CPLX2: variants seen among roughly 807,000 people sequenced by gnomAD.
CPLX2 encodes the protein complexin-2.
A neutral mutation model predicts 16.3 loss-of-function variants in CPLX2; 5 were observed. That is an observed-to-expected ratio of 0.31 (90% confidence interval 0.16 to 0.64). The LOEUF is 0.64. Ranked by LOEUF, CPLX2 falls within the 30% of genes least tolerant of loss-of-function variation. CPLX2 has a pLI of 0.79. For missense variants in CPLX2, 144 were observed against 181.4 expected (o/e 0.79, Z 1.18); for synonymous variants, 89 against 73.2 (o/e 1.22, Z -1.10).
intron 1 of CPLX2, among the ~76,000 whole-genome samples, chr5:175,874,540 A>G (rs1011423631): frequency 6.6e-6 from 1 of 152,192 alleles, no homozygotes; most frequent in African/African-American, 2.4e-5. Flanking sequence ...GAATGAATGA[A>G]TAATGAGGAA....
rs887557264 is a variant in CPLX2, at chr5:175,880,186, C to T, written c.*141C>T. ...CCTCTTCCCTGGCCAGGGGCTTCTC[C>T]CCCTCAGCTCTCCCTCACACCTCCC... is the stretch of plus-strand genomic sequence containing the variant. On this transcript the variant is annotated 3_prime_UTR_variant, in exon 4 of 4. Coordinates refer to ENST00000393745, the MANE Select transcript of CPLX2 (RefSeq NM_001008220.2). 2.4e-6 allele frequency: 2 copies of T among 850,294 alleles called. No homozygotes were observed. Among genetic ancestry groups the T allele is most frequent in the Non-Finnish European group, 3.9e-6 (2 of 507,722 alleles). 52.7% of individuals were successfully genotyped at this position (850,294 alleles called of 1,614,324 possible).
intron 2 of CPLX2, among the ~76,000 whole-genome samples, chr5:175,837,126 A>G (rs542135626): frequency 4.7e-4 from 72 of 152,292 alleles, no homozygotes; most frequent in Non-Finnish European, 9.0e-4. Flanking sequence ...AGGTGGTCTC[A>G]CTGACCTGAG....
chr5:175,869,093 A>G (rs1384255909), upstream of CPLX2, among the ~76,000 whole-genome samples: 1 of 152,232 alleles, frequency 6.6e-6, no homozygotes, highest in Non-Finnish European at 1.5e-5. Flanking sequence ...CAATAATAGT[A>G]GGGCCTTCGG....
chr5:175,864,435 C>T (rs1235192157), intron 2 of CPLX2, among the ~76,000 whole-genome samples: 2 of 152,188 alleles, frequency 1.3e-5, no homozygotes, highest in Non-Finnish European at 2.9e-5. Context: ...GTTTGATTCT[C>T]TTCCTCAGAG....
chr5:175,859,128 AAAC>A (rs1251139919), intron 2 of CPLX2, among the ~76,000 whole-genome samples: 3 of 152,220 alleles, frequency 2.0e-5, no homozygotes, highest in East Asian at 1.9e-4. Flanking sequence ...AACTAAGCAA[AAAC>A]AACAACAAGC....
At chr5:175,806,198 T>TC (rs1033226379) in intron 1 of CPLX2, among the ~76,000 whole-genome samples, 1 of 150,250 alleles carries the variant, frequency 6.7e-6, no homozygotes, top group African/African-American at 2.4e-5. Context: ...CCGCCAGTCT[T>TC]TTTTTTTTTG....
intron 2 of CPLX2, among the ~76,000 whole-genome samples, chr5:175,840,452 G>C (rs1758924525): frequency 6.6e-6 from 1 of 152,184 alleles, no homozygotes; most frequent in African/African-American, 2.4e-5. Context: ...GGTGGACCTT[G>C]CCTGAGAAGG....
At chr5:175,870,442 G>C (rs1308556801), upstream of CPLX2, among the ~76,000 whole-genome samples, 1 of 152,082 alleles carries the variant, frequency 6.6e-6, no homozygotes, top group Non-Finnish European at 1.5e-5. Flanking sequence ...CCCTTAGAAG[G>C]AGAAGCCATC....
At chr5:175,829,703 G>T (rs1347790122) in intron 2 of CPLX2, among the ~76,000 whole-genome samples, 9 of 152,216 alleles carry the variant, frequency 5.9e-5, no homozygotes. Flanking sequence ...ATATGACCCT[G>T]TAATGTGGAG....
chr5:175,860,277 G>A (rs1233605552), intron 2 of CPLX2, among the ~76,000 whole-genome samples: 1 of 151,992 alleles, frequency 6.6e-6, no homozygotes, highest in African/African-American at 2.4e-5. Flanking sequence ...GATCACTTGA[G>A]CCCAGGAGTT....
At chr5:175,876,263 T>C (rs1338534313) in intron 1 of CPLX2, among the ~76,000 whole-genome samples, 1 of 152,170 alleles carries the variant, frequency 6.6e-6, no homozygotes, top group African/African-American at 2.4e-5. Context: ...AGGTGCTCAA[T>C]TAATACTTGC....
At chr5:175,827,266 C>T (rs2113652927) in intron 2 of CPLX2, among the ~76,000 whole-genome samples, 1 of 152,362 alleles carries the variant, frequency 6.6e-6, no homozygotes, top group Non-Finnish European at 1.5e-5. Flanking sequence ...CTCAACTAAA[C>T]CTCACTGAAG....
At chr5:175,871,478 A>AGAGG (rs1759616201), upstream of CPLX2, 1 of 147,800 alleles carries the variant, frequency 6.8e-6, no homozygotes, top group African/African-American at 2.5e-5. Context: ...AGAGAGAGAG[A>AGAGG]GAGAGAGATT....
At chr5:175,823,037 C>T (rs1758541562) in intron 2 of CPLX2, among the ~76,000 whole-genome samples, 1 of 152,212 alleles carries the variant, frequency 6.6e-6, no homozygotes, top group Non-Finnish European at 1.5e-5. Flanking sequence ...CAGGTGTCAT[C>T]TCCTCAAAAA....
chr5:175,839,293 TTTG>T (rs1393860346), intron 2 of CPLX2, among the ~76,000 whole-genome samples: 1 of 152,102 alleles, frequency 6.6e-6, no homozygotes, highest in Non-Finnish European at 1.5e-5. Context: ...TGTTTGTTTG[TTTG>T]TTTTTTTGAG....
At position 175,830,197 on chromosome 5, in the gene CPLX2, C is replaced by T. The variant is rs1344201488; in HGVS notation, c.-89+21129C>T. Among the ~76,000 whole-genome samples the T allele has an allele frequency of 2.6e-5, 4 of 152,208 alleles. No individual in the cohort carries two copies. The highest frequency in any genetic ancestry group is 6.5e-5 in the Admixed American group (1 of 15,286). ...GAGGGACAGGCAGGGAGGGCACTGC[C>T]GCCACAGAGCTGCCCTGGTTCCCTG... On this transcript the variant is annotated intron_variant, in intron 2 of 4. Coordinates refer to the CPLX2 transcript ENST00000359546. This position sits in a 1 kb window ranked among gnomAD's most constrained non-coding sequence, Gnocchi z 4.0.
At chr5:175,827,275 A>G (rs1425265460) in intron 2 of CPLX2, among the ~76,000 whole-genome samples, 1 of 152,212 alleles carries the variant, frequency 6.6e-6, no homozygotes, top group Non-Finnish European at 1.5e-5. Flanking sequence ...ACCTCACTGA[A>G]GGTGACTGGG....
intron 2 of CPLX2, among the ~76,000 whole-genome samples, chr5:175,860,245 C>A (rs1759335496): frequency 6.6e-6 from 1 of 152,032 alleles, no homozygotes; most frequent in African/African-American, 2.4e-5. Flanking sequence ...AATCCCAGCA[C>A]ATTGGGAGGT....
rs1758717987 is a variant in CPLX2, at chr5:175,830,624, C to T, written c.-89+21556C>T. On this transcript the variant is annotated intron_variant, in intron 2 of 4. Coordinates refer to the CPLX2 transcript ENST00000359546. The surrounding 1 kb of genome is among the most constrained non-coding windows in gnomAD (Gnocchi z 4.0). ...CGAGGGACCCTCATACATAGCTCTG[C>T]AGGCAGGCAAGGGATGAGCACAATC... 1.3e-5 allele frequency among the ~76,000 whole-genome samples: 2 copies of T among 152,244 alleles called. No homozygotes were observed. The highest frequency in any genetic ancestry group is 1.3e-4 in the Admixed American group (2 of 15,294).
Sources: allele counts gnomAD v4.1 joint callset (sites outside exome capture counted in the v4.1 genomes callset), GRCh38; gene constraint gnomAD v4.1.1; non-coding constraint Gnocchi (gnomAD v3.1); transcripts MANE v1.5; gene names NCBI Gene and HGNC (gene_info 2026-07-23, HGNC 2026-07-21).